Variants in MAF observed in about 807,000 individuals in gnomAD.
The protein encoded by MAF is transcription factor Maf.
Under a neutral mutation model 22.0 loss-of-function variants are expected in MAF, and 10 were observed. That is an observed-to-expected ratio of 0.45 (90% CI 0.28 to 0.77). The LOEUF (loss-of-function observed/expected upper bound fraction) is 0.77. Among genes scored for constraint, MAF ranks in the 30% least tolerant of loss-of-function variants. The pLI, the probability that MAF is intolerant of heterozygous loss-of-function variation, is 0.12. For missense variants in MAF, 544 were observed against 548.4 expected (o/e 0.99, Z 0.08); for synonymous variants, 337 against 255.8 (o/e 1.32, Z -3.03).
chr16:79,590,044 C>T (rs915378081), downstream of MAF, among the ~76,000 whole-genome samples: 2 of 152,296 alleles, frequency 1.3e-5, no homozygotes, highest in Admixed American at 6.5e-5. Flanking sequence ...CCCTGCGCAC[C>T]TACTGTACGC....
At chr16:79,573,402 G>T in the MAF span, among the ~76,000 whole-genome samples, 1 of 152,108 alleles carries the variant, frequency 6.6e-6, no homozygotes, top group Non-Finnish European at 1.5e-5. Context: ...TTGTTTTTAT[G>T]CATGGTGTTT....
the MAF span, among the ~76,000 whole-genome samples, chr16:79,473,167 C>G: frequency 6.6e-6 from 1 of 152,070 alleles, no homozygotes; most frequent in East Asian, 1.9e-4. Context: ...ATAGTCCAGA[C>G]ACATCGTGGG....
At chr16:79,486,074 A>T in the MAF span, among the ~76,000 whole-genome samples, 2 of 152,088 alleles carry the variant, frequency 1.3e-5, no homozygotes, top group Admixed American at 6.5e-5. Context: ...GAGATAATAA[A>T]CCTGATTACG....
the MAF span, among the ~76,000 whole-genome samples, chr16:79,472,324 A>G: frequency 6.6e-6 from 1 of 152,212 alleles, no homozygotes; most frequent in African/African-American, 2.4e-5. Context: ...ATGTGAATTC[A>G]CTCATAAAGA....
chr16:79,339,877 T>C, the MAF span, among the ~76,000 whole-genome samples: 4 of 152,196 alleles, frequency 2.6e-5, no homozygotes, highest in African/African-American at 9.7e-5. Flanking sequence ...GGATTTCTTG[T>C]CTCCCCTTCT....
the MAF span, among the ~76,000 whole-genome samples, chr16:79,526,017 G>C: frequency 6.6e-6 from 1 of 152,190 alleles, no homozygotes; most frequent in African/African-American, 2.4e-5. Flanking sequence ...TGGCAGGAAA[G>C]GCTCTTAATT....
the MAF span, among the ~76,000 whole-genome samples, chr16:79,402,384 G>A: frequency 6.6e-6 from 1 of 152,296 alleles, no homozygotes; most frequent in South Asian, 2.1e-4. Flanking sequence ...TGGGGAGCAG[G>A]AAGGCCCCTG....
the MAF span, among the ~76,000 whole-genome samples, chr16:79,448,468 T>G: frequency 1.3e-5 from 2 of 152,000 alleles, no homozygotes; most frequent in African/African-American, 2.4e-5. Context: ...CACTGTCACC[T>G]GGGCTGGAGT....
At chr16:79,335,305 T>C in the MAF span, among the ~76,000 whole-genome samples, 1 of 152,312 alleles carries the variant, frequency 6.6e-6, no homozygotes, top group African/African-American at 2.4e-5. Flanking sequence ...AATCATTCTT[T>C]ATGCAATTTC....
intron 1 of MAF, 37 bp from the exon 2 acceptor site, chr16:79,594,590 G>C (rs1400901360): frequency 9.7e-6 from 15 of 1,551,448 alleles, no homozygotes; most frequent in Non-Finnish European, 1.1e-5. Context: ...ACACTATTTA[G>C]ACAAAGATCA....
At chr16:79,455,542 T>C in the MAF span, among the ~76,000 whole-genome samples, 2 of 152,204 alleles carry the variant, frequency 1.3e-5, no homozygotes, top group African/African-American at 2.4e-5. Flanking sequence ...CCAGCCAACA[T>C]ACCTCAAGAA....
At chr16:79,418,878 A>T in the MAF span, among the ~76,000 whole-genome samples, 2 of 152,000 alleles carry the variant, frequency 1.3e-5, no homozygotes, top group African/African-American at 4.8e-5. Flanking sequence ...CCCCACACAA[A>T]CTCCGTCTCC....
chr16:79,283,271 T>A, the MAF span, among the ~76,000 whole-genome samples: 2 of 152,222 alleles, frequency 1.3e-5, no homozygotes, highest in African/African-American at 4.8e-5. Flanking sequence ...GAAAACCATC[T>A]TTCTAGAAAA....
the MAF span, among the ~76,000 whole-genome samples, chr16:79,406,328 C>G: frequency 6.6e-6 from 1 of 152,184 alleles, no homozygotes; most frequent in Non-Finnish European, 1.5e-5. Flanking sequence ...GTTTCTTAGT[C>G]TCTTTGGGCT....
chr16:79,232,006 G>A, the MAF span, among the ~76,000 whole-genome samples: 2 of 152,028 alleles, frequency 1.3e-5, no homozygotes, highest in African/African-American at 4.8e-5. Flanking sequence ...TTACAATAGG[G>A]TTTGCCCTCT....
At chr16:79,226,669 A>C in the MAF span, among the ~76,000 whole-genome samples, 36 of 152,240 alleles carry the variant, frequency 2.4e-4, no homozygotes, top group African/African-American at 7.9e-4. Context: ...AAAATGAATG[A>C]AAAAGTGCTA....
At chr16:79,566,882 G>C in the MAF span, among the ~76,000 whole-genome samples, 2 of 152,206 alleles carry the variant, frequency 1.3e-5, no homozygotes, top group African/African-American at 4.8e-5. Flanking sequence ...GGCTCTGATG[G>C]ATGTAGGGAC....
chr16:79,487,663 A>G, the MAF span, among the ~76,000 whole-genome samples: 3 of 152,186 alleles, frequency 2.0e-5, no homozygotes, highest in Non-Finnish European at 2.9e-5. Context: ...TTATTACCCA[A>G]TATGCAAAAG....
chr16:79,396,101 C>T, the MAF span, among the ~76,000 whole-genome samples: 1 of 152,138 alleles, frequency 6.6e-6, no homozygotes, highest in East Asian at 1.9e-4. Context: ...ATCCCTTATG[C>T]GTAGAGGATC....
Sources: allele counts gnomAD v4.1 joint callset (sites outside exome capture counted in the v4.1 genomes callset), GRCh38; gene constraint gnomAD v4.1.1; transcripts MANE v1.5; gene names NCBI Gene and HGNC (gene_info 2026-07-23, HGNC 2026-07-21).